TSSK6: variants seen among roughly 807,000 people sequenced by gnomAD.
The protein encoded by TSSK6 is testis specific serine kinase 6.
Under a neutral mutation model 8.5 loss-of-function variants are expected in TSSK6, and 9 were observed. That is an observed-to-expected ratio of 1.06 (90% CI 0.64 to 1.85). The LOEUF is 1.85. Ranked by LOEUF, TSSK6 falls within the 40% of genes most tolerant of loss-of-function variation. The pLI is 0.00. For synonymous variants in TSSK6, 202 were observed against 182.4 expected (o/e 1.11, Z -0.86); for missense variants, 311 against 391.5 (o/e 0.79, Z 1.73).
chr19:19,514,762 C>T lies in TSSK6; in HGVS notation c.666G>A (p.Arg222=). ...FDDSDIAGLP[R]RQKRGVLYPE... is the part of the protein sequence containing the mutation. ...GATAGAGCACGCCGCGTTTCTGGCG[C>T]CGGGGCAGGCCGGCGATGTCCGAGT... Residue 222 remains arginine (R), a synonymous_variant, in exon 1 of 1, where the codon CGG becomes CGA. Coordinates refer to ENST00000585580, the MANE Select transcript of TSSK6 (RefSeq NM_032037.4). The T allele has an allele frequency of 6.2e-7, 1 of 1,602,220 alleles. No homozygotes were observed. The highest frequency in any genetic ancestry group is 8.5e-7 in the Non-Finnish European group (1 of 1,179,552).
Position 19,514,862 on chromosome 19 carries a change from TC to T in TSSK6, c.565del (p.Asp189ThrfsTer55). ...SPEVLLGIPYDPKKYDVWSMG... is the reference protein window; with the variant it reads ...SPEVLLGIPYXPKKYDVWSMG... ...GCTCCACACATCGTACTTCTTGGGG[TC>T]GTAGGGGATGCCCAGGAGCACCTCG... On this transcript the variant is annotated frameshift_variant, in exon 1 of 1. Coordinates refer to ENST00000585580, the MANE Select transcript of TSSK6 (RefSeq NM_032037.4). LOFTEE classifies it high-confidence loss of function. 2 of 1,599,956 alleles carry T rather than the reference TC, an allele frequency of 1.3e-6. No individual in the cohort carries two copies. Among genetic ancestry groups the T allele is most frequent in the Non-Finnish European group, 1.7e-6 (2 of 1,178,492 alleles).
rs2061034978 is a variant in TSSK6 at position 19,514,409 on chromosome 19, A to C, written c.*197T>G. 1 of 606,760 alleles carries C rather than the reference A, an allele frequency of 1.6e-6. No homozygotes were observed. Among genetic ancestry groups the C allele is most frequent in the Non-Finnish European group, 2.8e-6 (1 of 354,046 alleles). 37.6% of individuals were successfully genotyped at this position (606,760 alleles called of 1,614,324 possible). On this transcript the variant is annotated 3_prime_UTR_variant, in exon 1 of 1. Transcript: ENST00000585580. Reference sequence around the variant, plus strand: ...TGCGCATGCGCCTCCAGCTCCCGGGATCGCGGGGAACGTGGATTCCGAACA... The same window carrying C: ...TGCGCATGCGCCTCCAGCTCCCGGGCTCGCGGGGAACGTGGATTCCGAACA...
chr19:19,514,357 C>T lies in TSSK6; in HGVS notation c.*249G>A. 5.4e-6 allele frequency: 3 copies of T among 557,088 alleles called. No homozygotes were observed. The highest frequency in any genetic ancestry group is 2.4e-5 in the South Asian group (1 of 41,456). 34.5% of individuals were successfully genotyped at this position (557,088 alleles called of 1,614,324 possible). On this transcript the variant is annotated 3_prime_UTR_variant, in exon 1 of 1. Transcript: ENST00000585580. ...TCCGTCCCCTCTGGTCTCGCCCTCT[C>T]GGGGCCTGGTCGCAGGGAATCGCGG...
In TSSK6 at chr19:19,515,155, T is replaced by C. The variant is rs781112395; in HGVS notation, c.273A>G (p.Glu91=). Residue 91 remains glutamate (E), a synonymous_variant, in exon 1 of 1, where the codon GAA becomes GAG. Coordinates refer to ENST00000585580, the MANE Select transcript of TSSK6 (RefSeq NM_032037.4). ...VCNGKLYIVM[E]AAATDLLQAV... is the part of the protein sequence containing the mutation. ...CTTGCAGCAGGTCGGTGGCGGCCGC[T>C]TCCATCACGATGTACAGTTTCCCGT... 30 of 1,606,380 alleles carry C rather than the reference T, an allele frequency of 1.9e-5. No individual in the cohort carries two copies. Among genetic ancestry groups the C allele is most frequent in the Non-Finnish European group, 2.5e-5 (30 of 1,179,756 alleles).
rs867587373 is a variant in TSSK6 at position 19,514,295 on chromosome 19, C to G, written c.*311G>C. ...CGGCTGGTTGGGAAGGGACGCCCTCCGCGCAGAGGCTGAGAGTTCCGCGCA... is the reference window on the plus strand; with the variant it reads ...CGGCTGGTTGGGAAGGGACGCCCTCGGCGCAGAGGCTGAGAGTTCCGCGCA... On this transcript the variant is annotated 3_prime_UTR_variant, in exon 1 of 1. Coordinates refer to ENST00000585580, the MANE Select transcript of TSSK6 (RefSeq NM_032037.4). 2 of 375,608 alleles carry G rather than the reference C, an allele frequency of 5.3e-6. No homozygotes were observed. Among genetic ancestry groups the G allele is most frequent in the Non-Finnish European group, 9.7e-6 (2 of 207,008 alleles). 23.3% of individuals were successfully genotyped at this position (375,608 alleles called of 1,614,324 possible). A position where few individuals can be genotyped will look rare whatever the true frequency, so the allele number is the denominator to read the frequency against.
chr19:19,515,346 C>G lies in TSSK6; in HGVS notation c.82G>C (p.Val28Leu). The G allele has an allele frequency of 6.2e-7, 1 of 1,613,994 alleles. No individual in the cohort carries two copies. The highest frequency in any genetic ancestry group is 1.1e-5 in the South Asian group (1 of 91,082). The change falls in exon 1 of 1, where the codon GTG (valine) becomes CTG (leucine). Residue 28 changes from valine (V) to leucine (L), a missense_variant. Coordinates refer to ENST00000585580, the MANE Select transcript of TSSK6 (RefSeq NM_032037.4). ...CCCTTGTACTTCTTGGATGTGGCCA[C>G]CTTCACCTTGGAGTAGCTGCCCTCT... The part of the protein sequence containing the change: ...IGEGSYSKVK[V>L]ATSKKYKGTV...
At position 19,514,364 on chromosome 19, in the gene TSSK6, T is replaced by C. The variant is rs1220111923; in HGVS notation, c.*242A>G. 1 of 559,808 alleles carries C rather than the reference T, an allele frequency of 1.8e-6. No homozygotes were observed. Among genetic ancestry groups the C allele is most frequent in the Non-Finnish European group, 3.2e-6 (1 of 316,158 alleles). The allele number at this position is 559,808 out of a possible 1,614,324, so 34.7% of individuals were successfully genotyped here. On this transcript the variant is annotated 3_prime_UTR_variant, in exon 1 of 1. Transcript: ENST00000585580. ...CCTCTGGTCTCGCCCTCTCGGGGCCTGGTCGCAGGGAATCGCGGATGCGCA... is the reference window on the plus strand; with the variant it reads ...CCTCTGGTCTCGCCCTCTCGGGGCCCGGTCGCAGGGAATCGCGGATGCGCA...
Position 19,515,395 on chromosome 19 carries a change from A to G in TSSK6, c.33T>C (p.Gly11=), listed in dbSNP as rs751703039. 2 of 1,601,784 alleles carry G rather than the reference A, an allele frequency of 1.2e-6. No homozygotes were observed. The highest frequency in any genetic ancestry group is 1.7e-5 in the Admixed American group (1 of 59,734). The part of the protein sequence containing the change: MSGDKLLSEL[G]YKLGRTIGEG... ...CTCCAATTGTGCGGCCCAGCTTATA[A>G]CCGAGTTCGCTCAGAAGTTTGTCTC... The change falls in exon 1 of 1, where the codon GGT becomes GGC. Residue 11 remains glycine, a synonymous_variant. Transcript: ENST00000585580.
At position 19,515,008 on chromosome 19, in the gene TSSK6, G is replaced by A. The variant is rs1312634250; in HGVS notation, c.420C>T (p.Asn140=). Residue 140 remains asparagine, a synonymous_variant, in exon 1 of 1, where the codon AAC becomes AAT. Coordinates refer to ENST00000585580, the MANE Select transcript of TSSK6 (RefSeq NM_032037.4). ...GGCGCTCGTCCGGGCTCAGCAGCAC[G>A]TTTTCGCACTTGAGGTCGCGGTGCA... The part of the protein sequence containing the change: ...HLVHRDLKCE[N]VLLSPDERRV... 16 of 1,611,112 alleles carry A rather than the reference G, an allele frequency of 9.9e-6. No individual in the cohort carries two copies. Among genetic ancestry groups the A allele is most frequent in the Admixed American group, 1.7e-5 (1 of 59,906 alleles).
At position 19,515,460 on chromosome 19, in the gene TSSK6, C is replaced by A; in HGVS notation, c.-33G>T. ...CCTAGGGCGCACGGGGGGCAGGAGG[C>A]GGCTGCTGTCGGGGGGCGGCCGGAC... is the stretch of plus-strand genomic sequence containing the variant. On this transcript the variant is annotated 5_prime_UTR_variant, in exon 1 of 1. Coordinates refer to ENST00000585580, the MANE Select transcript of TSSK6 (RefSeq NM_032037.4). 6.4e-7 allele frequency: 1 copy of A among 1,554,890 alleles called. No individual in the cohort carries two copies. Among genetic ancestry groups the A allele is most frequent in the South Asian group, 1.2e-5 (1 of 83,884 alleles).
In TSSK6 at chr19:19,514,340, C is replaced by A. The variant is rs986636066; in HGVS notation, c.*266G>T. ...CGCGCAGGCGCAATGCTTCCGTCCC[C>A]TCTGGTCTCGCCCTCTCGGGGCCTG... On this transcript the variant is annotated 3_prime_UTR_variant, in exon 1 of 1. Coordinates refer to ENST00000585580, the MANE Select transcript of TSSK6 (RefSeq NM_032037.4). 5.7e-6 allele frequency: 3 copies of A among 528,602 alleles called. No individual in the cohort carries two copies. The highest frequency in any genetic ancestry group is 1.0e-5 in the Non-Finnish European group (3 of 297,244). 32.7% of individuals were successfully genotyped at this position (528,602 alleles called of 1,614,324 possible). A position where few individuals can be genotyped will look rare whatever the true frequency, so the allele number is the denominator to read the frequency against.
chr19:19,515,183 C>A lies in TSSK6; in HGVS notation c.245G>T (p.Cys82Phe), dbSNP rs140913128. 3.8e-4 allele frequency: 605 copies of A among 1,608,846 alleles called. 1 individual carries two copies. The highest frequency in any genetic ancestry group is 4.6e-4 in the Non-Finnish European group (548 of 1,179,940). ...IVHVFEFIEV[C>F]NGKLYIVMEA... ...CATCACGATGTACAGTTTCCCGTTGCACACCTCGATGAACTCGAAGACGTG... is the reference window on the plus strand; with the variant it reads ...CATCACGATGTACAGTTTCCCGTTGAACACCTCGATGAACTCGAAGACGTG... Residue 82 changes from cysteine (C) to phenylalanine (F), a missense_variant, in exon 1 of 1, where the codon TGC becomes TTC. Coordinates refer to ENST00000585580, the MANE Select transcript of TSSK6 (RefSeq NM_032037.4).
In TSSK6 at chr19:19,515,115, C is replaced by A. The variant is rs1437201272; in HGVS notation, c.313G>T (p.Gly105Trp). The A allele has an allele frequency of 1.2e-6, 2 of 1,605,246 alleles. No individual in the cohort carries two copies. The highest frequency in any genetic ancestry group is 1.7e-6 in the Non-Finnish European group (2 of 1,178,500). ...TDLLQAVQRN[G>W]RIPGVQARDL... ...CGCGCCTGAACTCCGGGGATGCGCC[C>A]GTTGCGCTGCACGGCTTGCAGCAGG... The change falls in exon 1 of 1, where the codon GGG becomes TGG. Residue 105 changes from glycine to tryptophan, a missense_variant. Physicochemically the swap from Gly to Trp is radical, Grantham distance 184. Transcript: ENST00000585580.
chr19:19,515,359 G>A lies in TSSK6; in HGVS notation c.69C>T (p.Tyr23=). 1.2e-6 allele frequency: 2 copies of A among 1,613,706 alleles called. No individual in the cohort carries two copies. The highest frequency in any genetic ancestry group is 1.1e-5 in the South Asian group (1 of 91,068). The change falls in exon 1 of 1, where the codon TAC becomes TAT. Residue 23 remains tyrosine (Y), a synonymous_variant. Coordinates refer to ENST00000585580, the MANE Select transcript of TSSK6 (RefSeq NM_032037.4). ...TGGATGTGGCCACCTTCACCTTGGA[G>A]TAGCTGCCCTCTCCAATTGTGCGGC... ...KLGRTIGEGS[Y]SKVKVATSKK...
chr19:19,515,237 A>C lies in TSSK6; in HGVS notation c.191T>G (p.Leu64Arg). ...GATGTGCGGGTGTCGCACGCCCCGC[A>C]GGATGGACAGCTCTCGCGGCAGGAA... ...NKFLPRELSILRGVRHPHIVH... is the reference protein window; with the variant it reads ...NKFLPRELSIRRGVRHPHIVH... Residue 64 changes from leucine (L) to arginine (R), a missense_variant, in exon 1 of 1, where the codon CTG becomes CGG. Coordinates refer to ENST00000585580, the MANE Select transcript of TSSK6 (RefSeq NM_032037.4). 1 of 1,612,966 alleles carries C rather than the reference A, an allele frequency of 6.2e-7. No individual in the cohort carries two copies. The highest frequency in any genetic ancestry group is 8.5e-7 in the Non-Finnish European group (1 of 1,179,988).
Position 19,515,380 on chromosome 19 carries a change from GC to G in TSSK6, c.47del (p.Arg16ProfsTer11). ...TGGAGTAGCTGCCCTCTCCAATTGTGCGGCCCAGCTTATAACCGAGTTCGCT... is the reference window on the plus strand; with the variant it reads ...TGGAGTAGCTGCCCTCTCCAATTGTGGGCCCAGCTTATAACCGAGTTCGCT... ...LLSELGYKLG[R>X]TIGEGSYSKV... On this transcript the variant is annotated frameshift_variant, in exon 1 of 1. Transcript: ENST00000585580. LOFTEE classifies it low-confidence loss of function (END_TRUNC). 6.2e-7 allele frequency: 1 copy of G among 1,611,372 alleles called. No individual in the cohort carries two copies. Among genetic ancestry groups the G allele is most frequent in the Non-Finnish European group, 8.5e-7 (1 of 1,177,750 alleles).
In TSSK6 at chr19:19,514,807, G is replaced by A. The variant is rs1377232735; in HGVS notation, c.621C>T (p.Thr207=). ...SMGVVLYVMV[T]GCMPFDDSDI... ...CCGAGTCGTCGAAGGGCATGCACCC[G>A]GTGACCATGACGTAGAGCACGACGC... is the stretch of plus-strand genomic sequence containing the variant. The change falls in exon 1 of 1, where the codon ACC becomes ACT. Residue 207 remains threonine, a synonymous_variant. Coordinates refer to ENST00000585580, the MANE Select transcript of TSSK6 (RefSeq NM_032037.4). 2 of 1,601,056 alleles carry A rather than the reference G, an allele frequency of 1.2e-6. No homozygotes were observed. The highest frequency in any genetic ancestry group is 1.1e-5 in the South Asian group (1 of 91,000).
At position 19,515,003 on chromosome 19, in the gene TSSK6, AGCACGTTTTC is replaced by A. The variant is rs778088320; in HGVS notation, c.415_424del (p.Glu139CysfsTer2). 6.2e-7 allele frequency: 1 copy of A among 1,610,942 alleles called. No individual in the cohort carries two copies. Among genetic ancestry groups the A allele is most frequent in the Non-Finnish European group, 8.5e-7 (1 of 1,178,730 alleles). ...GACGCGGCGCTCGTCCGGGCTCAGC[AGCACGTTTTC>A]GCACTTGAGGTCGCGGTGCACCAGG... On this transcript the variant is annotated frameshift_variant, in exon 1 of 1. Transcript: ENST00000585580. LOFTEE classifies it high-confidence loss of function.
chr19:19,515,139 G>A lies in TSSK6; in HGVS notation c.289C>T (p.Leu97=), dbSNP rs1306634485. Residue 97 remains leucine (L), a synonymous_variant, in exon 1 of 1, where the codon CTG becomes TTG. Coordinates refer to ENST00000585580, the MANE Select transcript of TSSK6 (RefSeq NM_032037.4). ...CCGTTGCGCTGCACGGCTTGCAGCA[G>A]GTCGGTGGCGGCCGCTTCCATCACG... The part of the protein sequence containing the change: ...YIVMEAAATD[L]LQAVQRNGRI... The A allele has an allele frequency of 5.6e-6, 9 of 1,605,864 alleles. No homozygotes were observed. The highest frequency in any genetic ancestry group is 7.6e-6 in the Non-Finnish European group (9 of 1,179,628).
Sources: allele counts gnomAD v4.1 joint callset, GRCh38; gene constraint gnomAD v4.1.1; transcripts MANE v1.5; gene names NCBI Gene and HGNC (gene_info 2026-07-23, HGNC 2026-07-21).